GTF2F2: variants seen among roughly 807,000 people sequenced by gnomAD.
GTF2F2 encodes the protein general transcription factor IIF subunit 2.
GTF2F2 carries 23 observed loss-of-function variants against 42.2 expected under a neutral mutation model. The ratio of observed to expected loss-of-function variants is 0.55; its 90% CI spans 0.39 to 0.77. The LOEUF (loss-of-function observed/expected upper bound fraction) is 0.77, where lower values mean the gene tolerates loss of function less well. Ranked by LOEUF, GTF2F2 falls within the 30% of genes least tolerant of loss-of-function variation. The probability of loss-of-function intolerance (pLI) is 0.00; values close to 1 mark genes in which losing one functional copy is unlikely to be tolerated. For missense variants in GTF2F2, 261 were observed against 287.2 expected (o/e 0.91, Z 0.66); for synonymous variants, 105 against 100.8 (o/e 1.04, Z -0.25).
intron 5 of GTF2F2, among the ~76,000 whole-genome samples, chr13:45,236,222 A>G (rs1040154336): frequency 1.1e-4 from 17 of 152,188 alleles, no homozygotes; most frequent in Admixed American, 6.5e-5. Flanking sequence ...TCTGAGTCAT[A>G]CATACCATCA....
intron 5 of GTF2F2, among the ~76,000 whole-genome samples, chr13:45,213,227 C>T (rs931240410): frequency 4.0e-5 from 6 of 149,286 alleles, no homozygotes; most frequent in African/African-American, 9.9e-5. Context: ...TACAGGCACC[C>T]GCCACCACGC....
chr13:45,171,339 G>A (rs1420598161), intron 4 of GTF2F2, among the ~76,000 whole-genome samples: 2 of 152,024 alleles, frequency 1.3e-5, no homozygotes, highest in African/African-American at 4.8e-5. Flanking sequence ...AAAGTGCTGG[G>A]ATTACAGTCA....
intron 1 of GTF2F2, among the ~76,000 whole-genome samples, chr13:45,128,681 A>G (rs1869176025): frequency 2.0e-5 from 3 of 151,772 alleles, no homozygotes; most frequent in African/African-American, 7.3e-5. Context: ...GTAGCCTCCA[A>G]CTCCTGGGCT....
chr13:45,252,685 G>T (rs1413609761), intron 5 of GTF2F2, among the ~76,000 whole-genome samples, 186 bp from the exon 6 acceptor site: 1 of 152,110 alleles, frequency 6.6e-6, no homozygotes, highest in East Asian at 1.9e-4. Flanking sequence ...TATTTAGCTT[G>T]TGTACTGGTT....
chr13:45,168,693 C>T (rs1278581354), intron 4 of GTF2F2, among the ~76,000 whole-genome samples: 1 of 151,998 alleles, frequency 6.6e-6, no homozygotes, highest in Non-Finnish European at 1.5e-5. Context: ...GTTCATGGCA[C>T]CCCCTACCTC....
chr13:45,261,079 T>C (rs1013354167), intron 6 of GTF2F2, among the ~76,000 whole-genome samples: 3 of 151,398 alleles, frequency 2.0e-5, no homozygotes, highest in Admixed American at 6.6e-5. Context: ...TGAGGTGAGA[T>C]TGCGCCACTG....
chr13:45,259,647 C>CTTTTTTTTT (rs1172870085), intron 6 of GTF2F2, among the ~76,000 whole-genome samples: 1 of 72,224 alleles, frequency 1.4e-5, no homozygotes, highest in Non-Finnish European at 2.4e-5. Flanking sequence ...AAACCTAGAA[C>CTTTTTTTTT]TTTTTTTTTT....
chr13:45,199,024 G>A (rs1359976879), intron 4 of GTF2F2, among the ~76,000 whole-genome samples: 2 of 152,114 alleles, frequency 1.3e-5, no homozygotes, highest in African/African-American at 4.8e-5. Context: ...GTCTGCTACT[G>A]GTATTACACT....
intron 5 of GTF2F2, among the ~76,000 whole-genome samples, chr13:45,215,786 T>G (rs1262831607): frequency 2.0e-5 from 3 of 151,438 alleles, no homozygotes; most frequent in African/African-American, 7.3e-5. Context: ...TAAAACTGTT[T>G]GTTTTAAGAA....
intron 6 of GTF2F2, 58 bp downstream of exon 6, chr13:45,253,028 TAG>T: frequency 2.7e-6 from 2 of 749,584 alleles, no homozygotes; most frequent in Non-Finnish European, 4.3e-6. Flanking sequence ...TTCTGTATCA[TAG>T]AGTCTTAGGT....
intron 5 of GTF2F2, among the ~76,000 whole-genome samples, chr13:45,228,283 CTTTTTTT>C (rs372901327): frequency 1.2e-4 from 11 of 92,724 alleles, no homozygotes; most frequent in Admixed American, 1.1e-3. Flanking sequence ...CAGAGTTAAT[CTTTTTTT>C]TTTTTTTTTG....
chr13:45,214,323 A>T (rs2138197951), intron 5 of GTF2F2, among the ~76,000 whole-genome samples: 1 of 152,328 alleles, frequency 6.6e-6, no homozygotes, highest in Admixed American at 6.5e-5. Context: ...GAAATTAAAT[A>T]CATACTTTCA....
chr13:45,126,037 A>C (rs1429630133), intron 1 of GTF2F2, among the ~76,000 whole-genome samples: 2 of 152,008 alleles, frequency 1.3e-5, no homozygotes, highest in Non-Finnish European at 2.9e-5. Context: ...CTAATAGCTG[A>C]GGGCTGTCTG....
intron 5 of GTF2F2, among the ~76,000 whole-genome samples, chr13:45,247,392 TTTTG>T (rs931102336): frequency 1.1e-4 from 16 of 151,860 alleles, no homozygotes; most frequent in African/African-American, 3.9e-4. Context: ...TACCTGGTTT[TTTTG>T]TTTGTTTGTT....
chr13:45,244,057 C>T (rs541400889), intron 5 of GTF2F2, among the ~76,000 whole-genome samples: 2 of 152,228 alleles, frequency 1.3e-5, no homozygotes, highest in African/African-American at 4.8e-5. Context: ...GTAATTTTGA[C>T]AAGGGTGATT....
At chr13:45,182,182 G>A (rs990078668) in intron 4 of GTF2F2, among the ~76,000 whole-genome samples, 3 of 151,926 alleles carry the variant, frequency 2.0e-5, no homozygotes, top group South Asian at 2.1e-4. Flanking sequence ...AGACAGTCTC[G>A]CTCTGTTGCC....
At chr13:45,282,529 A>G (rs1326949904) in intron 7 of GTF2F2, among the ~76,000 whole-genome samples, 1 of 152,126 alleles carries the variant, frequency 6.6e-6, no homozygotes, top group Non-Finnish European at 1.5e-5. Context: ...TTTGAGACAG[A>G]GTTTCACTGT....
At chr13:45,173,549 T>C (rs1458953666) in intron 4 of GTF2F2, among the ~76,000 whole-genome samples, 1 of 151,884 alleles carries the variant, frequency 6.6e-6, no homozygotes, top group Non-Finnish European at 1.5e-5. Context: ...TCCCACCTCT[T>C]TCCCCAACCC....
At chr13:45,193,883 T>C in intron 4 of GTF2F2, 2 of 1,614,178 alleles carry the variant, frequency 1.2e-6, no homozygotes, top group South Asian at 1.1e-5. Flanking sequence ...AAAGCCATCA[T>C]GATAGCCTCA....
Sources: allele counts gnomAD v4.1 joint callset (sites outside exome capture counted in the v4.1 genomes callset), GRCh38; gene constraint gnomAD v4.1.1; transcripts MANE v1.5; gene names NCBI Gene and HGNC (gene_info 2026-07-23, HGNC 2026-07-21).